DNAH5: variants seen among roughly 807,000 people sequenced by gnomAD.
The protein encoded by DNAH5 is axonemal beta dynein heavy chain 5.
DNAH5 carries 372 observed loss-of-function variants against 518.2 expected under a neutral mutation model. That is an observed-to-expected ratio of 0.72 (90% CI 0.66 to 0.78). The LOEUF (loss-of-function observed/expected upper bound fraction) is 0.78, where lower values mean the gene tolerates loss of function less well. Among genes scored for constraint, DNAH5 ranks in the 30% least tolerant of loss-of-function variants. DNAH5 has a pLI of 0.00. For missense variants in DNAH5, 5,523 were observed against 5,687.0 expected (o/e 0.97, Z 0.93); for synonymous variants, 2,039 against 2,025.9 (o/e 1.01, Z -0.17).
At chr5:13,884,437 C>T (rs1198152000) in intron 19 of DNAH5, among the ~76,000 whole-genome samples, 3 of 152,180 alleles carry the variant, frequency 2.0e-5, no homozygotes, top group Non-Finnish European at 4.4e-5. Context: ...CTGTGCTGTG[C>T]TCTAGTTCTC....
chr5:13,847,780 G>GTC (rs1766237160), intron 31 of DNAH5, among the ~76,000 whole-genome samples: 2 of 151,440 alleles, frequency 1.3e-5, no homozygotes, highest in African/African-American at 4.9e-5. Flanking sequence ...GTGTGTGTGT[G>GTC]TGTCTGTCTG....
chr5:13,898,635 C>T lies in DNAH5; in HGVS notation c.2259+1571G>A, dbSNP rs997317735. 25 of 398,486 alleles carry T rather than the reference C, an allele frequency of 6.3e-5. No homozygotes were observed. In the South Asian group the frequency reaches 8.9e-4, roughly 14 times the overall value. 24.7% of individuals were successfully genotyped at this position (398,486 alleles called of 1,614,324 possible). A position where few individuals can be genotyped will look rare whatever the true frequency, so the allele number is the denominator to read the frequency against. ...CTCTAAGCCACAGTTTTGTCATCTA[C>T]GAAATAAAATAATAGTATTCTGTCC... On this transcript the variant is annotated intron_variant, in intron 15 of 78. Transcript: ENST00000265104.
At position 13,814,743 on chromosome 5, in the gene DNAH5, A is replaced by G. The variant is rs774617981; in HGVS notation, c.7092T>C (p.Gly2364=). ...DDNKTLTLAN[G]DRIPMAPNCK... ...AGTTTGGAGCCATGGGAATCCGATCACCATTGGCAAGGGTTAGAGTTTTGT... is the reference window on the plus strand; with the variant it reads ...AGTTTGGAGCCATGGGAATCCGATCGCCATTGGCAAGGGTTAGAGTTTTGT... The change falls in exon 43 of 79, where the codon GGT becomes GGC. Residue 2364 remains glycine, a synonymous_variant. Coordinates refer to ENST00000265104, the MANE Select transcript of DNAH5 (RefSeq NM_001369.3). 2.5e-6 allele frequency: 4 copies of G among 1,614,014 alleles called. No individual in the cohort carries two copies. Among genetic ancestry groups the G allele is most frequent in the Non-Finnish European group, 3.4e-6 (4 of 1,180,008 alleles).
chr5:13,949,115 T>C (rs1377347345), upstream of DNAH5, among the ~76,000 whole-genome samples: 1 of 152,116 alleles, frequency 6.6e-6, no homozygotes, highest in East Asian at 1.9e-4. Context: ...TTTCCCAGCT[T>C]GGGTAAAGAA....
chr5:13,944,387 A>G lies in DNAH5; in HGVS notation c.52T>C (p.Leu18=), dbSNP rs1779744169. The part of the protein sequence containing the change: ...QLWKHSVTRV[L]TQRLKGEKEA... ...TACAGACAACAGCACCTTACCGTTA[A>G]AACTCGAGTGACGCTATGCTTCCAG... The change falls in exon 1 of 79, where the codon TTA becomes CTA. Residue 18 remains leucine, a synonymous_variant. Transcript: ENST00000265104. The G allele has an allele frequency of 1.2e-6, 2 of 1,613,740 alleles. No individual in the cohort carries two copies.
At chr5:13,897,503 C>T (rs1010979861) in intron 15 of DNAH5, 1 of 152,236 alleles carries the variant, frequency 6.6e-6, no homozygotes, top group Non-Finnish European at 1.5e-5. Flanking sequence ...ATATTTGTAA[C>T]TATTAGCCTG....
At chr5:13,765,427 C>A (rs1752387846) in intron 59 of DNAH5, among the ~76,000 whole-genome samples, 1 of 152,012 alleles carries the variant, frequency 6.6e-6, no homozygotes, top group African/African-American at 2.4e-5. Context: ...TCAAAACAGG[C>A]AAAGCTAATT....
intron 75 of DNAH5, among the ~76,000 whole-genome samples, chr5:13,711,055 A>G (rs540662023): frequency 6.6e-6 from 1 of 152,318 alleles, no homozygotes; most frequent in South Asian, 2.1e-4. Flanking sequence ...TCAGGAAAGG[A>G]CATACCCAAA....
At chr5:13,953,177 A>C (rs1179037601) in intron 1 of DNAH5, among the ~76,000 whole-genome samples, 2 of 152,358 alleles carry the variant, frequency 1.3e-5, no homozygotes, top group Admixed American at 1.3e-4. Flanking sequence ...GTCCCTTCAG[A>C]GTTTTCTTGA....
intron 46 of DNAH5, among the ~76,000 whole-genome samples, chr5:13,807,962 G>C (rs1325318227): frequency 6.6e-6 from 1 of 152,028 alleles, no homozygotes; most frequent in South Asian, 2.1e-4. Context: ...AGGTGTGGTA[G>C]CTCACACCTG....
intron 66 of DNAH5, among the ~76,000 whole-genome samples, chr5:13,736,741 A>G (rs1435690534): frequency 6.6e-6 from 1 of 152,060 alleles, no homozygotes; most frequent in Non-Finnish European, 1.5e-5. Context: ...ATTTGTTAAG[A>G]GGAATAATAA....
At chr5:13,883,125 C>G in intron 19 of DNAH5, 31 bp from the exon 20 acceptor site, 1 of 1,606,304 alleles carries the variant, frequency 6.2e-7, no homozygotes, top group Non-Finnish European at 8.5e-7. Flanking sequence ...GAAGAATTCA[C>G]ATTTTTAATA....
chr5:14,007,638 A>C (rs1009019917), intron 1 of DNAH5, among the ~76,000 whole-genome samples: 2 of 152,204 alleles, frequency 1.3e-5, no homozygotes, highest in African/African-American at 2.4e-5. Flanking sequence ...CAGATTCCTC[A>C]TAAGAATCTG....
chr5:14,001,701 T>TAAAAAAAC (rs1237927688), intron 1 of DNAH5, among the ~76,000 whole-genome samples: 11 of 151,438 alleles, frequency 7.3e-5, no homozygotes, highest in Non-Finnish European at 1.5e-4. Context: ...TAAGGATACT[T>TAAAAAAAC]TATAACTGAA....
chr5:13,807,405 G>A (rs1264069556), intron 47 of DNAH5, among the ~76,000 whole-genome samples, 186 bp downstream of exon 47: 1 of 152,168 alleles, frequency 6.6e-6, no homozygotes, highest in East Asian at 1.9e-4. Context: ...CATAATTTAA[G>A]ATGTTATATT....
chr5:14,004,594 C>G (rs1303309053), intron 1 of DNAH5, among the ~76,000 whole-genome samples: 1 of 152,208 alleles, frequency 6.6e-6, no homozygotes, highest in African/African-American at 2.4e-5. Flanking sequence ...AGCTGTTTGA[C>G]TTTGGGCAAG....
chr5:13,735,327 G>A lies in DNAH5; in HGVS notation c.11571-6C>T, dbSNP rs1179208296. On this transcript the variant is annotated splice_region_variant and splice_polypyrimidine_tract_variant and intron_variant, in intron 67 of 78. Transcript: ENST00000265104. ...TAATCGGGCTCTTGACAGACCTGGT[G>A]AATAGAATATTTAAATCAGGCTTAT... 15 of 1,613,192 alleles carry A rather than the reference G, an allele frequency of 9.3e-6. No homozygotes were observed. The highest frequency in any genetic ancestry group is 1.7e-5 in the Admixed American group (1 of 59,950).
intron 47 of DNAH5, among the ~76,000 whole-genome samples, chr5:13,799,209 C>CT (rs1016844973): frequency 7.3e-6 from 1 of 137,858 alleles, no homozygotes; most frequent in African/African-American, 2.7e-5. Context: ...ATTTCATACC[C>CT]CCCCCCACAA....
chr5:13,911,044 A>G (rs1287066916), intron 12 of DNAH5, among the ~76,000 whole-genome samples: 1 of 152,252 alleles, frequency 6.6e-6, no homozygotes, highest in Admixed American at 6.5e-5. Flanking sequence ...ACCTCTGGTC[A>G]TAATCATTGC....
Sources: allele counts gnomAD v4.1 joint callset (sites outside exome capture counted in the v4.1 genomes callset), GRCh38; gene constraint gnomAD v4.1.1; transcripts MANE v1.5; gene names NCBI Gene and HGNC (gene_info 2026-07-23, HGNC 2026-07-21).